Variants in ABCC12 observed in about 807,000 individuals in gnomAD.
The protein encoded by ABCC12 is ATP binding cassette subfamily C member 12.
In ABCC12, 142 loss-of-function variants were observed where a neutral mutation model predicts 151.1. That is an observed-to-expected ratio of 0.94 (90% CI 0.82 to 1.08). The LOEUF is 1.08. ABCC12 is among the 50% of genes least tolerant of loss of function. The pLI is 0.00. For synonymous variants in ABCC12, 645 were observed against 646.4 expected, an observed-to-expected ratio of 1.00 and a Z score of 0.03; for missense variants, 1,638 against 1,691.1, an observed-to-expected ratio of 0.97 and a Z score of 0.55.
At position 48,124,222 on chromosome 16, in the gene ABCC12, G is replaced by A. The variant is rs1214302020; in HGVS notation, c.1578C>T (p.Leu526=). 1.9e-6 allele frequency: 3 copies of A among 1,614,094 alleles called. No homozygotes were observed. Among genetic ancestry groups the A allele is most frequent in the Non-Finnish European group, 2.5e-6 (3 of 1,179,930 alleles). ...TCATCACACAGCTTACCTGTCCTAG[G>A]AGAGCTGCAAGGAGGGAGCTCTTTC... The part of the protein sequence containing the change: ...GSGKSSLLAA[L]LGQMQLQKGV... The change falls in exon 12 of 31, where the codon CTC becomes CTT. Residue 526 remains leucine (L), a synonymous_variant. Coordinates refer to ENST00000311303, the MANE Select transcript of ABCC12 (RefSeq NM_001393797.1).
intron 27 of ABCC12, 53 bp from the exon 28 acceptor site, chr16:48,086,872 A>T (rs368225265): frequency 6.8e-7 from 1 of 1,468,310 alleles, no homozygotes; most frequent in African/African-American, 1.4e-5. Context: ...GGACGAGAGG[A>T]TGGATGCGGA....
chr16:48,140,828 G>T lies in ABCC12; in HGVS notation c.516C>A (p.Thr172=), dbSNP rs115624914. Residue 172 remains threonine, a synonymous_variant, in exon 6 of 31, where the codon ACC becomes ACA. Transcript: ENST00000311303. ...CCCAAAAGAAGACTTTGGTAAACTC[G>T]GTGGCAAAAAGGGCTATGCACAGTC... ...GIGLCIALFA[T]EFTKVFFWAL... The T allele has an allele frequency of 9.5e-4, 1,532 of 1,614,080 alleles. 13 individuals carry two copies. In the African/African-American group the frequency reaches 0.018, roughly 19 times the overall value.
At chr16:48,121,544 G>T in intron 13 of ABCC12, 172 bp downstream of exon 13, 1 of 864,822 alleles carries the variant, frequency 1.2e-6, no homozygotes, top group Non-Finnish European at 1.7e-6. Flanking sequence ...CGCCTCTCCT[G>T]AACGCTTGGC....
In ABCC12 at chr16:48,133,805, T is replaced by C. The variant is rs748038314; in HGVS notation, c.1010A>G (p.Glu337Gly). The change falls in exon 9 of 31, where the codon GAA (glutamate) becomes GGA (glycine). Residue 337 changes from glutamate (E) to glycine (G), a missense_variant. By Grantham distance (98) the Glu-to-Gly change is moderately conservative. Coordinates refer to ENST00000311303, the MANE Select transcript of ABCC12 (RefSeq NM_001393797.1). ...DIRRRERKLL[E>G]KAGFVQSGNS... ...TCCACTTTGGACAAATCCAGCTTTT[T>C]CCAGTAATTTTCTTTCCCTCCTTCT... is the stretch of plus-strand genomic sequence containing the variant. 1.9e-6 allele frequency: 3 copies of C among 1,613,982 alleles called. No individual in the cohort carries two copies. The highest frequency in any genetic ancestry group is 1.3e-5 in the African/African-American group (1 of 74,912).
chr16:48,105,906 C>G (rs1478061575), intron 20 of ABCC12, among the ~76,000 whole-genome samples: 1 of 152,130 alleles, frequency 6.6e-6, no homozygotes, highest in Non-Finnish European at 1.5e-5. Flanking sequence ...GCCCTGGGAT[C>G]TTTGGTGGGG....
rs1322993565 is a variant in ABCC12 at position 48,081,740 on chromosome 16, A to G, written c.*1975T>C. 6.6e-6 allele frequency among the ~76,000 whole-genome samples: 1 copy of G among 152,234 alleles called. No individual in the cohort carries two copies. Among genetic ancestry groups the G allele is most frequent in the Non-Finnish European group, 1.5e-5 (1 of 68,042 alleles). ...AGAGTAAACCAAAGCGAGTGTGGGC[A>G]GAAAAGGAGTCATAGGAGGTGATTC... On this transcript the variant is annotated 3_prime_UTR_variant, in exon 31 of 31. Transcript: ENST00000311303.
At chr16:48,121,628 C>T in intron 13 of ABCC12, 88 bp downstream of exon 13, 2 of 1,523,488 alleles carry the variant, frequency 1.3e-6, no homozygotes, top group East Asian at 2.3e-5. Context: ...TCAGAACCCA[C>T]TTAGCAGTCA....
At chr16:48,118,653 A>C (rs1465606060) in intron 13 of ABCC12, among the ~76,000 whole-genome samples, 1 of 152,240 alleles carries the variant, frequency 6.6e-6, no homozygotes, top group African/African-American at 2.4e-5. Context: ...TAAAGAGGCA[A>C]GAAAGAGAGT....
chr16:48,111,710 T>C, intron 16 of ABCC12, 48 bp from the exon 17 acceptor site: 1 of 1,614,022 alleles, frequency 6.2e-7, no homozygotes. Context: ...ACAGGACCTC[T>C]CCCAGGCACG....
chr16:48,142,146 G>A (rs1016056070), intron 4 of ABCC12, among the ~76,000 whole-genome samples: 3 of 152,118 alleles, frequency 2.0e-5, no homozygotes, highest in African/African-American at 4.8e-5. Flanking sequence ...TTACAGAGAC[G>A]GAGATGGGAA....
chr16:48,118,662 G>A (rs1475680635), intron 13 of ABCC12, among the ~76,000 whole-genome samples: 2 of 152,258 alleles, frequency 1.3e-5, no homozygotes, highest in Non-Finnish European at 2.9e-5. Context: ...AAGAAAGAGA[G>A]TGGCAGGCAT....
At position 48,111,433 on chromosome 16, in the gene ABCC12, T is replaced by C. The variant is rs1963681972; in HGVS notation, c.2281+3A>G. 2 of 1,613,940 alleles carry C rather than the reference T, an allele frequency of 1.2e-6. No homozygotes were observed. Among genetic ancestry groups the C allele is most frequent in the Non-Finnish European group, 1.7e-6 (2 of 1,179,788 alleles). ...TGTGACTGAGGGGATGTGTGGTAAA[T>C]ACCTTTTGTGTCTACAAATTCTGAG... On this transcript the variant is annotated splice_donor_region_variant and intron_variant, in intron 18 of 30. Transcript: ENST00000311303.
intron 8 of ABCC12, 103 bp from the exon 9 acceptor site, chr16:48,133,938 A>G: frequency 7.2e-7 from 1 of 1,381,964 alleles, no homozygotes; most frequent in Non-Finnish European, 9.9e-7. Flanking sequence ...ATGGGCGCTC[A>G]TGAGTCCTGT....
chr16:48,103,482 A>C (rs1209172419), intron 22 of ABCC12, among the ~76,000 whole-genome samples: 1 of 152,204 alleles, frequency 6.6e-6, no homozygotes, highest in African/African-American at 2.4e-5. Flanking sequence ...TGAGGCATAT[A>C]TTTCAATGAT....
At chr16:48,087,861 A>G (rs2150581614) in intron 27 of ABCC12, 65 bp downstream of exon 27, 3 of 1,550,178 alleles carry the variant, frequency 1.9e-6, no homozygotes, top group South Asian at 1.2e-5. Flanking sequence ...GGACATCACA[A>G]AGTTCTTGGT....
intron 2 of ABCC12, among the ~76,000 whole-genome samples, chr16:48,150,502 C>A (rs1376224776): frequency 2.6e-5 from 4 of 152,104 alleles, no homozygotes; most frequent in Admixed American, 2.6e-4. Flanking sequence ...GAAAAATACA[C>A]ACACTTTGAT....
intron 4 of ABCC12, among the ~76,000 whole-genome samples, chr16:48,142,408 G>A (rs965251881): frequency 1.3e-5 from 2 of 152,210 alleles, no homozygotes; most frequent in African/African-American, 2.4e-5. Flanking sequence ...ACACAGAATG[G>A]CAAAGGCAAG....
intron 11 of ABCC12, among the ~76,000 whole-genome samples, 163 bp downstream of exon 11, chr16:48,128,296 A>T (rs890020544): frequency 1.3e-5 from 2 of 152,196 alleles, no homozygotes; most frequent in African/African-American, 4.8e-5. Flanking sequence ...TCCAATGTTC[A>T]TGTACATAGT....
intron 29 of ABCC12, among the ~76,000 whole-genome samples, chr16:48,084,578 A>C (rs771293087): frequency 1.3e-5 from 2 of 152,220 alleles, no homozygotes; most frequent in Non-Finnish European, 2.9e-5. Flanking sequence ...TTTCTGGGCC[A>C]CTTGCATTCC....
Sources: allele counts gnomAD v4.1 joint callset (sites outside exome capture counted in the v4.1 genomes callset), GRCh38; gene constraint gnomAD v4.1.1; transcripts MANE v1.5; gene names NCBI Gene and HGNC (gene_info 2026-07-23, HGNC 2026-07-21).